LATS2: variants seen among roughly 807,000 people sequenced by gnomAD.
LATS2 encodes large tumor suppressor kinase 2.
LATS2 carries 24 observed loss-of-function variants against 76.0 expected under a neutral mutation model. That is an observed-to-expected ratio of 0.32 (90% CI 0.23 to 0.44). The LOEUF is 0.44. Ranked by LOEUF, LATS2 falls within the 20% of genes least tolerant of loss-of-function variation. The probability of loss-of-function intolerance (pLI) is 1.00; values close to 1 mark genes in which losing one functional copy is unlikely to be tolerated. For synonymous variants in LATS2, 692 were observed against 635.4 expected (o/e 1.09, Z -1.34); for missense variants, 1,286 against 1,481.2 (o/e 0.87, Z 2.16).
intron 2 of LATS2, among the ~76,000 whole-genome samples, chr13:21,001,833 A>G (rs904943782): frequency 4.6e-5 from 7 of 151,818 alleles, no homozygotes; most frequent in African/African-American, 1.7e-4. Flanking sequence ...GAGCCGAGAC[A>G]GCGCCCCTGC....
In LATS2 at chr13:21,045,955, C is replaced by G. The variant is rs369330158; in HGVS notation, c.72G>C (p.Glu24Asp). The G allele has an allele frequency of 1.9e-6, 3 of 1,614,194 alleles. No homozygotes were observed. ...NSRQRLQEIR[E>D]GLKQPSKSSV... is the part of the protein sequence containing the mutation. ...AAGACTTGGATGGCTGTTTTAACCC[C>G]TCACGAATCTCTTGCAGTCGCTGCC... Residue 24 changes from glutamate to aspartate, a missense_variant, in exon 2 of 8, where the codon GAG (glutamate) becomes GAC (aspartate). This residue lies in a region of LATS2 where 101 missense variants were observed against 141.4 expected (regional missense o/e 0.71). Coordinates refer to ENST00000382592, the MANE Select transcript of LATS2 (RefSeq NM_014572.3).
intron 2 of LATS2, among the ~76,000 whole-genome samples, chr13:21,022,597 T>C (rs1872114093): frequency 6.6e-6 from 1 of 152,186 alleles, no homozygotes; most frequent in Non-Finnish European, 1.5e-5. Context: ...AAATGAACTG[T>C]ACCAAAGTCA....
intron 1 of LATS2, among the ~76,000 whole-genome samples, chr13:21,050,256 A>G (rs986937560): frequency 6.6e-6 from 1 of 151,952 alleles, no homozygotes; most frequent in African/African-American, 2.4e-5. Flanking sequence ...TATTTAACAT[A>G]TATTTTTTAA....
At chr13:21,009,505 A>G (rs181151282) in intron 2 of LATS2, among the ~76,000 whole-genome samples, 1 of 152,312 alleles carries the variant, frequency 6.6e-6, no homozygotes, top group Admixed American at 6.5e-5. Flanking sequence ...AGCTAAAACA[A>G]TTAACAGACT....
intron 2 of LATS2, among the ~76,000 whole-genome samples, chr13:21,002,851 G>A (rs970493765): frequency 7.2e-5 from 11 of 152,154 alleles, no homozygotes; most frequent in African/African-American, 2.6e-4. Context: ...ATCACACCTG[G>A]CTAACTTTAT....
At chr13:21,056,737 T>C (rs989569662) in intron 1 of LATS2, among the ~76,000 whole-genome samples, 1 of 152,234 alleles carries the variant, frequency 6.6e-6, no homozygotes, top group African/African-American at 2.4e-5. Flanking sequence ...ATACTGTGAC[T>C]GTCCAAAGAA....
intron 2 of LATS2, among the ~76,000 whole-genome samples, chr13:20,995,621 G>A (rs1277061788): frequency 6.6e-6 from 1 of 152,236 alleles, no homozygotes; most frequent in African/African-American, 2.4e-5. Flanking sequence ...GGAGTAAGAA[G>A]ATACTGTCTG....
At chr13:21,051,152 T>G (rs1873262081) in intron 1 of LATS2, among the ~76,000 whole-genome samples, 1 of 152,236 alleles carries the variant, frequency 6.6e-6, no homozygotes, top group South Asian at 2.1e-4. Flanking sequence ...CCAAGCAGAC[T>G]GCACATGCCC....
intron 2 of LATS2, among the ~76,000 whole-genome samples, chr13:21,001,672 G>A (rs1161522163): frequency 6.6e-6 from 1 of 152,052 alleles, no homozygotes; most frequent in Non-Finnish European, 1.5e-5. Flanking sequence ...AGATACCACT[G>A]GAGCAGAAGA....
chr13:20,978,272 ACATG>A (rs1869717357), intron 7 of LATS2, among the ~76,000 whole-genome samples: 1 of 152,086 alleles, frequency 6.6e-6, no homozygotes, highest in African/African-American at 2.4e-5. Flanking sequence ...CCTAATAACC[ACATG>A]CCCTGGTGGC....
chr13:21,012,490 A>T (rs1247494773), intron 2 of LATS2, among the ~76,000 whole-genome samples: 1 of 152,230 alleles, frequency 6.6e-6, no homozygotes, highest in East Asian at 1.9e-4. Context: ...ATCATCATAC[A>T]TGTGGCCCGT....
At chr13:21,039,077 A>G (rs1482979667) in intron 2 of LATS2, among the ~76,000 whole-genome samples, 1 of 152,194 alleles carries the variant, frequency 6.6e-6, no homozygotes, top group East Asian at 1.9e-4. Flanking sequence ...AGTAATTTAA[A>G]TTCCTACATT....
intron 2 of LATS2, among the ~76,000 whole-genome samples, chr13:21,024,093 CAAAAAAAA>C (rs748881098): frequency 2.5e-5 from 2 of 79,240 alleles, no homozygotes; most frequent in African/African-American, 4.4e-5. Flanking sequence ...TCTCGCTGTG[CAAAAAAAA>C]AAAAAAAAAA....
At chr13:21,004,310 T>C (rs1871172548) in intron 2 of LATS2, among the ~76,000 whole-genome samples, 1 of 152,012 alleles carries the variant, frequency 6.6e-6, no homozygotes, top group Non-Finnish European at 1.5e-5. Context: ...GGTGCATACC[T>C]GTAATCCCAG....
At chr13:21,018,661 C>CTTT (rs112626537) in intron 2 of LATS2, among the ~76,000 whole-genome samples, 1 of 149,814 alleles carries the variant, frequency 6.7e-6, no homozygotes, top group African/African-American at 2.4e-5. Flanking sequence ...CAGAGTCCCT[C>CTTT]TTTTTTTTTT....
intron 2 of LATS2, among the ~76,000 whole-genome samples, chr13:21,007,944 G>T (rs184907461): frequency 2.0e-5 from 3 of 149,742 alleles, no homozygotes; most frequent in Non-Finnish European, 4.4e-5. Context: ...ATTTTTAGTA[G>T]AGACAGGGTT....
At chr13:20,998,004 C>T (rs1020778185) in intron 2 of LATS2, among the ~76,000 whole-genome samples, 7 of 152,126 alleles carry the variant, frequency 4.6e-5, no homozygotes, top group Admixed American at 6.5e-5. Context: ...AAAGTAGAAA[C>T]GGAGCACTCT....
At chr13:21,026,564 A>T (rs1872318459) in intron 2 of LATS2, among the ~76,000 whole-genome samples, 1 of 152,190 alleles carries the variant, frequency 6.6e-6, no homozygotes, top group African/African-American at 2.4e-5. Flanking sequence ...AACTACTATA[A>T]ATATTTGTGT....
intron 7 of LATS2, among the ~76,000 whole-genome samples, chr13:20,977,636 A>G (rs989743059): frequency 6.6e-6 from 1 of 151,676 alleles, no homozygotes; most frequent in African/African-American, 2.4e-5. Context: ...ATGGTAATTA[A>G]AATAATTAAG....
Sources: allele counts gnomAD v4.1 joint callset (sites outside exome capture counted in the v4.1 genomes callset), GRCh38; gene constraint gnomAD v4.1.1; regional missense constraint gnomAD v4.1.1; transcripts MANE v1.5; gene names NCBI Gene and HGNC (gene_info 2026-07-23, HGNC 2026-07-21).